FOXP3: variants seen among roughly 807,000 people sequenced by gnomAD.
FOXP3 encodes the protein forkhead box P3.
A neutral mutation model predicts 31.2 loss-of-function variants in FOXP3; 5 were observed. The ratio of observed to expected loss-of-function variants is 0.16; its 90% confidence interval spans 0.08 to 0.34. The LOEUF (loss-of-function observed/expected upper bound fraction) is 0.34. FOXP3 is among the 10% of genes least tolerant of loss of function. The pLI is 1.00. For missense variants in FOXP3, 251 were observed against 363.0 expected (o/e 0.69, Z 2.51); for synonymous variants, 141 against 148.8 (o/e 0.95, Z 0.38).
intron 4 of FOXP3, 138 bp from the exon 5 acceptor site, chrX:49,257,150 G>T: frequency 3.4e-6 from 2 of 591,403 alleles, no homozygotes; most frequent in Non-Finnish European, 5.3e-6. Flanking sequence ...TGTCCCCAAA[G>T]TCCCAGGCTT....
Position 49,256,863 on chromosome X carries a change from G to A in FOXP3, c.543-8C>T, listed in dbSNP as rs1557116440. On this transcript the variant is annotated splice_region_variant and splice_polypyrimidine_tract_variant and intron_variant, in intron 5 of 11. Transcript: ENST00000376207. ...GGCACAGCCGAAAGGGTGCTGGGGGGACAGAGGGTGTCAGGGGAGGGGATA... is the reference window on the plus strand; with the variant it reads ...GGCACAGCCGAAAGGGTGCTGGGGGAACAGAGGGTGTCAGGGGAGGGGATA... The A allele has an allele frequency of 8.3e-7, 1 of 1,209,286 alleles. No individual in the cohort carries two copies.
intron 10 of FOXP3, 126 bp downstream of exon 10, chrX:49,253,000 G>C (rs2147945361): frequency 3.5e-6 from 2 of 563,475 alleles, no homozygotes; most frequent in East Asian, 7.3e-5. Context: ...GGGGATCCTT[G>C]GGGCTGGGGC....
intron 2 of FOXP3, among the ~76,000 whole-genome samples, chrX:49,257,978 C>T (rs1416766154): frequency 1.8e-5 from 2 of 112,411 alleles, no homozygotes; most frequent in African/African-American, 6.5e-5. Context: ...TGTCACCTCA[C>T]CTACTTGGCC....
chrX:49,253,566 C>T (rs1442544979), intron 9 of FOXP3, among the ~76,000 whole-genome samples: 3 of 112,080 alleles, frequency 2.7e-5, no homozygotes, highest in African/African-American at 9.7e-5. Flanking sequence ...CCCCGATTTT[C>T]CTTGGTCAGG....
chrX:49,263,173 C>CA (rs72024386), intron 1 of FOXP3, among the ~76,000 whole-genome samples: 4,385 of 58,926 alleles, frequency 0.074, 233 homozygotes, highest in Middle Eastern at 0.11. Context: ...ACCAGACAAC[C>CA]AAAAAAAAAA....
At chrX:49,257,608 C>T in intron 3 of FOXP3, 43 bp from the exon 4 acceptor site, 1 of 1,191,625 alleles carries the variant, frequency 8.4e-7, no homozygotes, top group Non-Finnish European at 1.1e-6. Context: ...GACTCGGGGC[C>T]CCTCCCCACA....
chrX:49,255,239 G>A (rs1557116107), intron 8 of FOXP3, among the ~76,000 whole-genome samples, 190 bp downstream of exon 8: 3 of 112,575 alleles, frequency 2.7e-5, no homozygotes, highest in Admixed American at 9.3e-5. Context: ...GAGCCACCAC[G>A]CCCAGCCGGG....
chrX:49,261,209 C>T (rs782524548), intron 1 of FOXP3, among the ~76,000 whole-genome samples: 1 of 112,633 alleles, frequency 8.9e-6, no homozygotes, highest in South Asian at 3.7e-4. Flanking sequence ...TATGTGTAGG[C>T]CAGTGTCCCT....
intron 6 of FOXP3, among the ~76,000 whole-genome samples, chrX:49,256,247 AG>A (rs2066071740): frequency 4.6e-5 from 2 of 43,292 alleles, no homozygotes; most frequent in Non-Finnish European, 1.6e-4. Flanking sequence ...AGAGAGAGAG[AG>A]AGAGAGAGAG....
chrX:49,262,015 T>C (rs1384925058), intron 1 of FOXP3, among the ~76,000 whole-genome samples: 1 of 112,074 alleles, frequency 8.9e-6, no homozygotes, highest in Non-Finnish European at 1.9e-5. Context: ...TGCCCCTCTA[T>C]CCAGGGGACT....
chrX:49,257,808 C>G (rs1046113897), intron 2 of FOXP3, 40 bp from the exon 3 acceptor site: 18 of 1,029,439 alleles, frequency 1.7e-5, no homozygotes, highest in Non-Finnish European at 2.4e-5. Flanking sequence ...CATCCTGATC[C>G]TCACTGTTCT....
Position 49,256,834 on chromosome X carries a change from C to T in FOXP3, c.564G>A (p.Gln188=). ...CATTTGCCAGCAGTGGGTAGGAGCTCTGGGGCACAGCCGAAAGGGTGCTGG... is the reference window on the plus strand; with the variant it reads ...CATTTGCCAGCAGTGGGTAGGAGCTTTGGGGCACAGCCGAAAGGGTGCTGG... ...RKDSTLSAVP[Q]SSYPLLANGV... is the part of the protein sequence containing the mutation. The change falls in exon 6 of 12, where the codon CAG becomes CAA. Residue 188 remains glutamine, a synonymous_variant. Transcript: ENST00000376207. 1 of 1,212,110 alleles carries T rather than the reference C, an allele frequency of 8.3e-7. No individual in the cohort carries two copies. Among genetic ancestry groups the T allele is most frequent in the Non-Finnish European group, 1.1e-6 (1 of 895,489 alleles).
intron 10 of FOXP3, among the ~76,000 whole-genome samples, chrX:49,252,029 T>G (rs781799756): frequency 1.1e-4 from 12 of 109,201 alleles, no homozygotes; most frequent in Non-Finnish European, 2.1e-4. Context: ...AGTGGGGTCT[T>G]GTTCAGGGCT....
chrX:49,250,439 G>A lies in FOXP3; in HGVS notation c.*895C>T, dbSNP rs1557115273. The A allele has an allele frequency of 2.0e-6, 1 of 506,860 alleles. No individual in the cohort carries two copies. The highest frequency in any genetic ancestry group is 3.6e-6 in the Non-Finnish European group (1 of 281,538). The allele number at this position is 506,860 out of a possible 1,213,427, so 41.8% of individuals were successfully genotyped here. ...TATATGGGGTGATAGTCCAGCATGT[G>A]GGGAGCTCGGCTGCAGTTTATTGGG... On this transcript the variant is annotated 3_prime_UTR_variant, in exon 12 of 12. Coordinates refer to ENST00000376207, the MANE Select transcript of FOXP3 (RefSeq NM_014009.4).
At chrX:49,260,431 G>T (rs1557117057) in intron 1 of FOXP3, among the ~76,000 whole-genome samples, 2 of 112,575 alleles carry the variant, frequency 1.8e-5, no homozygotes, top group South Asian at 3.6e-4. Context: ...CGGTGCAAAT[G>T]GATGTTTTCC....
rs879983100 is a variant in FOXP3, at chrX:49,250,588, G to A, written c.*746C>T. On this transcript the variant is annotated 3_prime_UTR_variant, in exon 12 of 12. Transcript: ENST00000376207. ...AGGTGAGTGGCAGGGGAGACACGGG[G>A]TATTTTTGGCAAGGCAGTGTGTGTG... 3 of 370,896 alleles carry A rather than the reference G, an allele frequency of 8.1e-6. No homozygotes were observed. The highest frequency in any genetic ancestry group is 1.5e-5 in the Non-Finnish European group (3 of 200,595). 30.6% of individuals were successfully genotyped at this position (370,896 alleles called of 1,213,427 possible). A position where few individuals can be genotyped will look rare whatever the true frequency, so the allele number is the denominator to read the frequency against.
chrX:49,258,387 C>T lies in FOXP3; in HGVS notation c.119G>A (p.Gly40Asp), dbSNP rs781805416. 9 of 1,168,020 alleles carry T rather than the reference C, an allele frequency of 7.7e-6. No individual in the cohort carries two copies. The East Asian group carries it at 2.9e-4, about 38-fold the overall frequency. Residue 40 changes from glycine (G) to aspartate (D), a missense_variant, in exon 2 of 12, where the codon GGC (glycine) becomes GAC (aspartate). Physicochemically the swap from Gly to Asp is moderately conservative, Grantham distance 94. Coordinates refer to ENST00000376207, the MANE Select transcript of FOXP3 (RefSeq NM_014009.4). ...TCGGCCCTGGAAGGTTCCCCCTGGGCCCCGGGCCCCCAGCAGGTCTGAGGC... is the reference window on the plus strand; with the variant it reads ...TCGGCCCTGGAAGGTTCCCCCTGGGTCCCGGGCCCCCAGCAGGTCTGAGGC... Reference protein sequence around the residue: ...PKASDLLGARGPGGTFQGRDL... With the variant: ...PKASDLLGARDPGGTFQGRDL...
intron 1 of FOXP3, 147 bp from the exon 2 acceptor site, chrX:49,258,674 TAG>T (rs1259851511): frequency 1.0e-5 from 4 of 393,425 alleles, no homozygotes; most frequent in African/African-American, 3.2e-5. Flanking sequence ...ACCCCAGCTC[TAG>T]ACACACACAC....
At chrX:49,263,582 T>C (rs2066122907) in intron 1 of FOXP3, among the ~76,000 whole-genome samples, 1 of 112,701 alleles carries the variant, frequency 8.9e-6, no homozygotes, top group African/African-American at 3.2e-5. Flanking sequence ...CAATTTTTAG[T>C]AAGCTTCAAA....
Sources: allele counts gnomAD v4.1 joint callset (sites outside exome capture counted in the v4.1 genomes callset), GRCh38; gene constraint gnomAD v4.1.1; transcripts MANE v1.5; gene names NCBI Gene and HGNC (gene_info 2026-07-23, HGNC 2026-07-21).